The following RANBP2 variants were observed in gnomAD, a reference collection of about 807,000 sequenced individuals.
RANBP2 encodes the protein E3 SUMO-protein ligase RanBP2.
Under a neutral mutation model 303.6 loss-of-function variants are expected in RANBP2, and 57 were observed. That is an observed-to-expected ratio of 0.19 (90% CI 0.15 to 0.23). The LOEUF is 0.23. RANBP2 is among the 10% of genes least tolerant of loss of function. The pLI is 1.00. For missense variants in RANBP2, 3,138 were observed against 3,780.8 expected, an observed-to-expected ratio of 0.83 and a Z score of 4.46; for synonymous variants, 1,167 against 1,301.5, an observed-to-expected ratio of 0.90 and a Z score of 2.23.
the RANBP2 span, among the ~76,000 whole-genome samples, chr2:109,627,520 C>T: frequency 3.3e-5 from 5 of 152,134 alleles, no homozygotes; most frequent in South Asian, 2.1e-4. Flanking sequence ...AATGGAAGAA[C>T]ATAAAAGGCC....
At chr2:109,538,766 C>T in the RANBP2 span, among the ~76,000 whole-genome samples, 12 of 152,306 alleles carry the variant, frequency 7.9e-5, no homozygotes, top group East Asian at 2.3e-3. Context: ...GTGAACCACC[C>T]CCTCAGATTC....
chr2:109,269,137 G>T, the RANBP2 span, among the ~76,000 whole-genome samples: 1 of 152,228 alleles, frequency 6.6e-6, no homozygotes, highest in South Asian at 2.1e-4. Context: ...CATTGGAAGC[G>T]TGGGCATCAT....
At chr2:108,815,920 G>T in the RANBP2 span, 1 of 1,573,636 alleles carries the variant, frequency 6.4e-7, no homozygotes, top group South Asian at 1.2e-5. Flanking sequence ...TGAAATAAAT[G>T]ATTTAATTTT....
chr2:109,574,384 T>C, the RANBP2 span, among the ~76,000 whole-genome samples: 3 of 142,870 alleles, frequency 2.1e-5, no homozygotes, highest in African/African-American at 7.8e-5. Context: ...GGTTTGAGGC[T>C]GCAGTAAGCC....
the RANBP2 span, among the ~76,000 whole-genome samples, chr2:109,733,945 G>T: frequency 5.3e-5 from 8 of 151,924 alleles, no homozygotes; most frequent in East Asian, 1.5e-3. Flanking sequence ...GCCGACGTGG[G>T]CCGCGGGCGG....
At chr2:109,025,958 C>T in the RANBP2 span, among the ~76,000 whole-genome samples, 1 of 151,998 alleles carries the variant, frequency 6.6e-6, no homozygotes, top group African/African-American at 2.4e-5. Flanking sequence ...TGTCCTCATC[C>T]TGGTGTAATT....
chr2:109,004,931 T>C, the RANBP2 span, among the ~76,000 whole-genome samples: 1 of 152,320 alleles, frequency 6.6e-6, no homozygotes, highest in African/African-American at 2.4e-5. Flanking sequence ...GAGTCTCTAT[T>C]GTCCACGCTA....
At chr2:109,680,188 A>C in the RANBP2 span, among the ~76,000 whole-genome samples, 3 of 48,592 alleles carry the variant, frequency 6.2e-5, no homozygotes, top group East Asian at 1.6e-3. Flanking sequence ...CTAAAAATAC[A>C]AAAAAAAAAA....
At chr2:108,836,278 C>T in the RANBP2 span, among the ~76,000 whole-genome samples, 1 of 152,130 alleles carries the variant, frequency 6.6e-6, no homozygotes, top group Non-Finnish European at 1.5e-5. Flanking sequence ...TTGTGACTGG[C>T]TTATTTCACT....
At chr2:108,826,387 C>G in the RANBP2 span, among the ~76,000 whole-genome samples, 2 of 152,222 alleles carry the variant, frequency 1.3e-5, no homozygotes, top group African/African-American at 4.8e-5. Flanking sequence ...ATACCTTTAC[C>G]TCTTAACATG....
chr2:109,268,246 A>C, the RANBP2 span, among the ~76,000 whole-genome samples: 3 of 151,744 alleles, frequency 2.0e-5, no homozygotes, highest in South Asian at 6.3e-4. Context: ...GAAAACCCTG[A>C]GCCCTGCCTG....
At chr2:109,317,545 C>T in the RANBP2 span, among the ~76,000 whole-genome samples, 1 of 152,152 alleles carries the variant, frequency 6.6e-6, no homozygotes, top group African/African-American at 2.4e-5. Context: ...TCTCGTTCTG[C>T]CGGGCCTGCC....
At chr2:109,568,730 T>C in the RANBP2 span, among the ~76,000 whole-genome samples, 1 of 152,176 alleles carries the variant, frequency 6.6e-6, no homozygotes, top group Admixed American at 6.5e-5. Context: ...ACCAGGGTGA[T>C]TGATCCCTCA....
At chr2:108,865,824 G>A in the RANBP2 span, among the ~76,000 whole-genome samples, 2 of 152,118 alleles carry the variant, frequency 1.3e-5, no homozygotes, top group African/African-American at 4.8e-5. Context: ...GTAGAGGGCG[G>A]GGTGGCTATA....
the RANBP2 span, among the ~76,000 whole-genome samples, chr2:109,638,611 A>G: frequency 6.6e-6 from 1 of 152,246 alleles, no homozygotes; most frequent in African/African-American, 2.4e-5. Context: ...GCATGTGTCA[A>G]TAAAATAAAT....
chr2:109,142,179 C>T, the RANBP2 span, among the ~76,000 whole-genome samples: 145 of 152,262 alleles, frequency 9.5e-4, 5 homozygotes, highest in East Asian at 0.027. Flanking sequence ...TCCCATGGTC[C>T]AGCCCCCTGG....
chr2:109,339,101 G>A, the RANBP2 span, among the ~76,000 whole-genome samples: 25 of 152,288 alleles, frequency 1.6e-4, no homozygotes, highest in African/African-American at 6.0e-4. Flanking sequence ...TCTTCACGTT[G>A]TGTGGGCTGA....
the RANBP2 span, among the ~76,000 whole-genome samples, chr2:108,829,403 CTA>C: frequency 6.6e-6 from 1 of 152,180 alleles, no homozygotes; most frequent in South Asian, 2.1e-4. Flanking sequence ...TCACTACTCT[CTA>C]AGGAAATACA....
At chr2:108,882,138 A>T in the RANBP2 span, 1 of 152,040 alleles carries the variant, frequency 6.6e-6, no homozygotes, top group Non-Finnish European at 1.5e-5. Flanking sequence ...TGGGCAACAG[A>T]GTGAGACCCT....
Sources: allele counts gnomAD v4.1 joint callset (sites outside exome capture counted in the v4.1 genomes callset), GRCh38; gene constraint gnomAD v4.1.1; transcripts MANE v1.5; gene names NCBI Gene and HGNC (gene_info 2026-07-23, HGNC 2026-07-21).